Variants in MME observed in about 807,000 individuals in gnomAD.
MME encodes the protein neprilysin.
In MME, 98 loss-of-function variants were observed where a neutral mutation model predicts 113.2. That is an observed-to-expected ratio of 0.87 (90% CI 0.74 to 1.02). The LOEUF (loss-of-function observed/expected upper bound fraction) is 1.02. MME is among the 50% of genes least tolerant of loss of function. The probability of loss-of-function intolerance (pLI) is 0.00; values close to 1 mark genes in which losing one functional copy is unlikely to be tolerated. For synonymous variants in MME, 292 were observed against 300.6 expected (o/e 0.97, Z 0.30); for missense variants, 836 against 896.0 (o/e 0.93, Z 0.86).
intron 1 of MME, among the ~76,000 whole-genome samples, chr3:155,062,475 A>G (rs1246386851): frequency 6.6e-6 from 1 of 152,202 alleles, no homozygotes; most frequent in African/African-American, 2.4e-5. Context: ...ATTACCAACA[A>G]GAGGCAAATG....
chr3:155,162,642 A>G (rs1722800812), intron 17 of MME, among the ~76,000 whole-genome samples: 1 of 152,128 alleles, frequency 6.6e-6, no homozygotes. Flanking sequence ...TTCTTTCACA[A>G]TTTAAATCTT....
At chr3:155,071,720 T>C (rs1188048899) in intron 1 of MME, among the ~76,000 whole-genome samples, 2 of 152,212 alleles carry the variant, frequency 1.3e-5, no homozygotes, top group Non-Finnish European at 2.9e-5. Flanking sequence ...GTGACAGATC[T>C]ATCCAGTTGC....
rs199810536 is a variant in MME, at chr3:155,182,292, T to C, written c.*1833T>C. 3.3e-5 allele frequency: 5 copies of C among 152,224 alleles called. No homozygotes were observed. The highest frequency in any genetic ancestry group is 2.1e-4 in the South Asian group (1 of 4,830). The allele number at this position is 152,224 out of a possible 1,614,324, so 9.4% of individuals were successfully genotyped here. Reference sequence around the variant, plus strand: ...GAATAATGTTCTATTGTGGGACTTATTACAATTTGTTCATCCTATTGTTGA... The same window carrying C: ...GAATAATGTTCTATTGTGGGACTTACTACAATTTGTTCATCCTATTGTTGA... On this transcript the variant is annotated 3_prime_UTR_variant, in exon 23 of 23. Coordinates refer to ENST00000360490, the MANE Select transcript of MME (RefSeq NM_007289.4).
rs1004216689 is a variant in MME, at chr3:155,118,850, T to C, written c.720+39T>C. The C allele has an allele frequency of 3.2e-6, 4 of 1,260,654 alleles. No homozygotes were observed. The African/African-American group carries it at 5.9e-5, about 19-fold the overall frequency. The allele number at this position is 1,260,654 out of a possible 1,614,324, so 78.1% of individuals were successfully genotyped here. On this transcript the variant is annotated intron_variant, in intron 8 of 22. Coordinates refer to ENST00000360490, the MANE Select transcript of MME (RefSeq NM_007289.4). ...AAATAATCAAAACCAAACTACAAAA[T>C]GATCTGGTGTAAACCTACAAGTAAT...
intron 1 of MME, among the ~76,000 whole-genome samples, chr3:155,045,309 C>T (rs1713519598): frequency 6.6e-6 from 1 of 152,044 alleles, no homozygotes; most frequent in Non-Finnish European, 1.5e-5. Context: ...TGCCACCACA[C>T]CTGGCTAATT....
intron 20 of MME, among the ~76,000 whole-genome samples, chr3:155,170,268 C>G (rs1190189341): frequency 6.6e-6 from 1 of 152,170 alleles, no homozygotes; most frequent in East Asian, 1.9e-4. Flanking sequence ...TGGTCTCAAA[C>G]TCCTGACATC....
chr3:155,170,084 C>T (rs528353581), intron 20 of MME, among the ~76,000 whole-genome samples: 2 of 152,224 alleles, frequency 1.3e-5, no homozygotes, highest in African/African-American at 2.4e-5. Flanking sequence ...CTCATTCTGT[C>T]GCCCAGGCTG....
chr3:155,029,850 A>G (rs1028644473), intron 1 of MME, among the ~76,000 whole-genome samples: 6 of 152,204 alleles, frequency 3.9e-5, no homozygotes, highest in Non-Finnish European at 8.8e-5. Flanking sequence ...CCAATTAATT[A>G]AAGTTCTTTC....
chr3:155,118,830 A>G lies in MME; in HGVS notation c.720+19A>G, dbSNP rs200377469. ...TAAAGAGGTAAAAAGAAAAAAAATA[A>G]TCAAAACCAAACTACAAAATGATCT... On this transcript the variant is annotated intron_variant, in intron 8 of 22. Coordinates refer to ENST00000360490, the MANE Select transcript of MME (RefSeq NM_007289.4). 47 of 1,464,518 alleles carry G rather than the reference A, an allele frequency of 3.2e-5. No individual in the cohort carries two copies. Among genetic ancestry groups the G allele is most frequent in the Non-Finnish European group, 4.5e-5 (47 of 1,053,300 alleles). 90.7% of individuals were successfully genotyped at this position (1,464,518 alleles called of 1,614,324 possible).
At chr3:155,099,668 C>T (rs554504182) in intron 3 of MME, among the ~76,000 whole-genome samples, 11 of 152,290 alleles carry the variant, frequency 7.2e-5, no homozygotes, top group East Asian at 1.9e-4. Context: ...TGTGTCCTTG[C>T]GATAGTTTGC....
intron 8 of MME, among the ~76,000 whole-genome samples, chr3:155,132,882 C>T (rs980885280): frequency 2.0e-5 from 3 of 150,686 alleles, no homozygotes; most frequent in African/African-American, 2.4e-5. Flanking sequence ...AGTGAAACCC[C>T]GTCTCTACTA....
At chr3:155,078,649 A>ATGTGTGTGTGTG (rs531692651), upstream of MME, among the ~76,000 whole-genome samples, 11 of 130,690 alleles carry the variant, frequency 8.4e-5, no homozygotes, top group Non-Finnish European at 1.7e-4. Context: ...GAGTGTGAAT[A>ATGTGTGTGTGTG]TGTGTGTGTA....
At chr3:155,105,739 A>G (rs532987621) in intron 3 of MME, among the ~76,000 whole-genome samples, 1 of 152,222 alleles carries the variant, frequency 6.6e-6, no homozygotes, top group African/African-American at 2.4e-5. Context: ...TATAGTTACC[A>G]TACAAGGTTA....
chr3:155,179,235 A>C (rs992619936), intron 22 of MME, among the ~76,000 whole-genome samples: 4 of 152,130 alleles, frequency 2.6e-5, no homozygotes, highest in Non-Finnish European at 4.4e-5. Context: ...AGGTCAGCAT[A>C]GTTTGAGCCT....
At position 155,168,742 on chromosome 3, in the gene MME, T is replaced by A. The variant is rs780862840; in HGVS notation, c.1925T>A (p.Ile642Asn). The A allele has an allele frequency of 6.2e-7, 1 of 1,613,328 alleles. No individual in the cohort carries two copies. Among genetic ancestry groups the A allele is most frequent in the Non-Finnish European group, 8.5e-7 (1 of 1,179,412 alleles). ...DLAGGQHLNG[I>N]NTLGENIADN... Reference sequence around the variant, plus strand: ...TGTCTTTTTTAACAGCTTAATGGAATTAATACACTGGGAGAAAACATTGCT... The same window carrying A: ...TGTCTTTTTTAACAGCTTAATGGAAATAATACACTGGGAGAAAACATTGCT... Residue 642 changes from isoleucine to asparagine, a missense_variant, in exon 20 of 23, where the codon ATT (isoleucine) becomes AAT (asparagine). Coordinates refer to ENST00000360490, the MANE Select transcript of MME (RefSeq NM_007289.4).
chr3:155,174,488 G>A (rs561350714), intron 22 of MME, among the ~76,000 whole-genome samples: 1 of 151,926 alleles, frequency 6.6e-6, no homozygotes, highest in East Asian at 1.9e-4. Context: ...CTTACATTTA[G>A]TTTTGGAAAC....
In MME at chr3:155,166,676, G is replaced by C. The variant is rs181665458; in HGVS notation, c.1661-226G>C. On this transcript the variant is annotated intron_variant, in intron 17 of 22. Transcript: ENST00000360490. Reference sequence around the variant, plus strand: ...CATCCATAATAAAATGCCTGCATTGGTTTCTATTACAGAAGGTTTTTGTAT... The same window carrying C: ...CATCCATAATAAAATGCCTGCATTGCTTTCTATTACAGAAGGTTTTTGTAT... 1.1e-4 allele frequency among the ~76,000 whole-genome samples: 17 copies of C among 152,216 alleles called. No individual in the cohort carries two copies. The East Asian group carries it at 3.1e-3, about 28-fold the overall frequency.
At chr3:155,111,683 C>T (rs975424500) in intron 3 of MME, among the ~76,000 whole-genome samples, 7 of 152,032 alleles carry the variant, frequency 4.6e-5, no homozygotes, top group Admixed American at 4.6e-4. Context: ...TCATGCTCTG[C>T]TTGTTCATTC....
intron 1 of MME, among the ~76,000 whole-genome samples, chr3:155,049,830 T>C (rs1353434274): frequency 6.6e-6 from 1 of 152,136 alleles, no homozygotes; most frequent in East Asian, 1.9e-4. Context: ...TTTTGTTATT[T>C]TCTTTTAACT....
Sources: allele counts gnomAD v4.1 joint callset (sites outside exome capture counted in the v4.1 genomes callset), GRCh38; gene constraint gnomAD v4.1.1; transcripts MANE v1.5; gene names NCBI Gene and HGNC (gene_info 2026-07-23, HGNC 2026-07-21).